ASIC2: variants seen among roughly 807,000 people sequenced by gnomAD.
ASIC2 encodes acid sensing ion channel subunit 2, also known as acid-sensing ion channel 2.
In ASIC2, 25 loss-of-function variants were observed where a neutral mutation model predicts 57.3. The ratio of observed to expected loss-of-function variants is 0.44; its 90% CI spans 0.32 to 0.61. The LOEUF is 0.61. ASIC2 is among the 20% of genes least tolerant of loss of function. ASIC2 has a pLI of 0.06. For synonymous variants in ASIC2, 319 were observed against 307.5 expected (o/e 1.04, Z -0.39); for missense variants, 641 against 738.1 (o/e 0.87, Z 1.52).
chr17:33,171,994 C>A (rs898319620), intron 1 of ASIC2, among the ~76,000 whole-genome samples: 1 of 152,178 alleles, frequency 6.6e-6, no homozygotes, highest in Non-Finnish European at 1.5e-5. Context: ...GGCCCTCTCC[C>A]TTTTCACACT....
chr17:33,449,193 AG>A (rs1912152863), intron 1 of ASIC2, among the ~76,000 whole-genome samples: 1 of 152,186 alleles, frequency 6.6e-6, no homozygotes, highest in African/African-American at 2.4e-5. Context: ...TCTATGTCTA[AG>A]CCCCAGTGTA....
At chr17:33,491,404 G>T (rs560425352) in intron 1 of ASIC2, among the ~76,000 whole-genome samples, 2 of 152,108 alleles carry the variant, frequency 1.3e-5, no homozygotes, top group Admixed American at 1.3e-4. Context: ...ATTCATTTCC[G>T]CATTTCCTAC....
intron 1 of ASIC2, among the ~76,000 whole-genome samples, chr17:33,443,784 AT>A (rs201825448): frequency 6.7e-6 from 1 of 150,194 alleles, no homozygotes; most frequent in Non-Finnish European, 1.5e-5. Context: ...CAGATTTTCT[AT>A]TTTTTTTTCT....
intron 1 of ASIC2, among the ~76,000 whole-genome samples, chr17:33,305,068 C>T (rs1015504359): frequency 3.9e-5 from 6 of 152,230 alleles, no homozygotes; most frequent in African/African-American, 1.4e-4. Context: ...TCACAAAATC[C>T]ATACTATTAA....
chr17:33,940,499 C>T (rs990547411), intron 1 of ASIC2, among the ~76,000 whole-genome samples: 1 of 151,992 alleles, frequency 6.6e-6, no homozygotes, highest in Non-Finnish European at 1.5e-5. Flanking sequence ...GATACATAAC[C>T]CCCTCCCTCC....
At chr17:33,827,577 C>T (rs2141898011) in intron 1 of ASIC2, among the ~76,000 whole-genome samples, 1 of 151,134 alleles carries the variant, frequency 6.6e-6, no homozygotes, top group South Asian at 2.1e-4. Context: ...ATTTCCTGAC[C>T]AAGTGATCCA....
At chr17:33,016,071 C>T in intron 8 of ASIC2, 32 bp from the exon 9 acceptor site, 1 of 1,611,262 alleles carries the variant, frequency 6.2e-7, no homozygotes, top group Non-Finnish European at 8.5e-7. Flanking sequence ...GTTGGTCAGG[C>T]CGGGAAGAGG....
At chr17:33,233,351 C>A (rs144682388) in intron 1 of ASIC2, among the ~76,000 whole-genome samples, 5 of 152,140 alleles carry the variant, frequency 3.3e-5, no homozygotes, top group Non-Finnish European at 5.9e-5. Flanking sequence ...CCCTCATGCG[C>A]TAGGAGGTTT....
chr17:33,845,834 G>GA (rs1267601747), intron 1 of ASIC2, among the ~76,000 whole-genome samples: 6 of 151,798 alleles, frequency 4.0e-5, no homozygotes, highest in Admixed American at 3.3e-4. Flanking sequence ...ATAAATACCT[G>GA]AAAAAAAAGC....
rs1383377027 is a variant in ASIC2, at chr17:33,490,415, G to T, written c.556-378348C>A. Among the ~76,000 whole-genome samples the T allele has an allele frequency of 3.3e-5, 5 of 152,238 alleles. No individual in the cohort carries two copies. The East Asian group carries it at 9.6e-4, about 29-fold the overall frequency. Reference sequence around the variant, plus strand: ...GGTGTGGCTGGATAACTGCAATGAAGATTGACGTGGTTTGGCTGTGTTCCC... The same window carrying T: ...GGTGTGGCTGGATAACTGCAATGAATATTGACGTGGTTTGGCTGTGTTCCC... On this transcript the variant is annotated intron_variant, in intron 1 of 9. Coordinates refer to the ASIC2 transcript ENST00000359872.
Position 33,113,242 on chromosome 17 carries a change from G to A in ASIC2, c.709-1175C>T, listed in dbSNP as rs1045677177. 1.2e-4 allele frequency among the ~76,000 whole-genome samples: 18 copies of A among 152,314 alleles called. 1 individual carries two copies. Among genetic ancestry groups the A allele is most frequent in the Admixed American group, 1.2e-3 (18 of 15,296 alleles). ...CCAAATAAAACCTCGCAGCCTCAAT[G>A]TCTCCATCTATAAAATGGGGGTTCT... On this transcript the variant is annotated intron_variant, in intron 1 of 9. Coordinates refer to ENST00000225823, the MANE Select transcript of ASIC2 (RefSeq NM_183377.2).
At chr17:33,060,041 T>C (rs1052691907) in intron 3 of ASIC2, among the ~76,000 whole-genome samples, 1 of 152,164 alleles carries the variant, frequency 6.6e-6, no homozygotes, top group African/African-American at 2.4e-5. Flanking sequence ...GTTTGAGTTC[T>C]TTATAGATTT....
chr17:33,695,757 C>G (rs191404148), intron 1 of ASIC2, among the ~76,000 whole-genome samples: 46 of 152,308 alleles, frequency 3.0e-4, no homozygotes, highest in African/African-American at 1.0e-3. Flanking sequence ...CCCTTAAACT[C>G]CATCCCCCAA....
intron 1 of ASIC2, among the ~76,000 whole-genome samples, chr17:33,789,790 T>C (rs1053744111): frequency 6.6e-6 from 1 of 152,196 alleles, no homozygotes; most frequent in Admixed American, 6.5e-5. Context: ...TGGTCACTTC[T>C]GTGCGTAGTT....
At chr17:34,029,072 C>G (rs1410535875) in intron 1 of ASIC2, among the ~76,000 whole-genome samples, 3 of 152,276 alleles carry the variant, frequency 2.0e-5, no homozygotes, top group African/African-American at 7.2e-5. Flanking sequence ...TCATCCCCCT[C>G]CTACCTCCCC....
At chr17:33,223,370 C>A (rs1051702810) in intron 1 of ASIC2, among the ~76,000 whole-genome samples, 1 of 151,828 alleles carries the variant, frequency 6.6e-6, no homozygotes, top group Non-Finnish European at 1.5e-5. Flanking sequence ...TTAGTAGGGA[C>A]GGGGGTTTCA....
intron 1 of ASIC2, among the ~76,000 whole-genome samples, chr17:33,748,078 G>A (rs1910321069): frequency 6.6e-6 from 1 of 152,220 alleles, no homozygotes; most frequent in African/African-American, 2.4e-5. Context: ...GAGAGCGCAC[G>A]CCTTGAATGT....
At chr17:33,546,899 G>C (rs1915594848) in intron 1 of ASIC2, among the ~76,000 whole-genome samples, 1 of 152,196 alleles carries the variant, frequency 6.6e-6, no homozygotes, top group Non-Finnish European at 1.5e-5. Context: ...GAGTGGAAGT[G>C]ACAGGTGCTA....
intron 1 of ASIC2, among the ~76,000 whole-genome samples, chr17:33,204,526 C>T (rs1341290254): frequency 6.6e-6 from 1 of 152,136 alleles, no homozygotes; most frequent in Non-Finnish European, 1.5e-5. Flanking sequence ...CTTGAGGGCT[C>T]GCCTGTCCCA....
Sources: gnomAD v4.1 joint callset for allele counts (sites outside exome capture counted in the v4.1 genomes callset) on GRCh38, gnomAD v4.1.1 for gene constraint, MANE v1.5 for transcripts, NCBI Gene and HGNC (gene_info 2026-07-23, HGNC 2026-07-21) for gene names.